The following PBX4 variants were observed in gnomAD, a reference collection of about 807,000 sequenced individuals.
The protein encoded by PBX4 is pre-B-cell leukemia transcription factor 4.
A neutral mutation model predicts 35.1 loss-of-function variants in PBX4; 26 were observed. The ratio of observed to expected loss-of-function variants is 0.74; its 90% confidence interval spans 0.54 to 1.03. The LOEUF (loss-of-function observed/expected upper bound fraction) is 1.03, where lower values mean the gene tolerates loss of function less well. Ranked by LOEUF, PBX4 falls within the 50% of genes least tolerant of loss-of-function variation. The pLI is 0.00. For synonymous variants in PBX4, 199 were observed against 204.2 expected, an observed-to-expected ratio of 0.97 and a Z score of 0.22; for missense variants, 448 against 504.3, an observed-to-expected ratio of 0.89 and a Z score of 1.07.
At chr19:19,590,579 G>T (rs1039596213) in intron 2 of PBX4, among the ~76,000 whole-genome samples, 4 of 150,862 alleles carry the variant, frequency 2.7e-5, no homozygotes, top group Middle Eastern at 3.2e-3. Flanking sequence ...AGTGATTCTC[G>T]CGCCTCAGCC....
At chr19:19,569,675 C>G in intron 4 of PBX4, 91 bp from the exon 5 acceptor site, 1 of 1,472,438 alleles carries the variant, frequency 6.8e-7, no homozygotes. Context: ...TCCAGTAGTT[C>G]TGAAAACAGC....
At chr19:19,579,642 T>C (rs1449588476) in intron 2 of PBX4, among the ~76,000 whole-genome samples, 1 of 152,180 alleles carries the variant, frequency 6.6e-6, no homozygotes, top group East Asian at 1.9e-4. Flanking sequence ...ACCCATGGAT[T>C]AAATCAGATG....
chr19:19,577,848 A>G (rs560180661), intron 2 of PBX4, among the ~76,000 whole-genome samples: 15 of 144,374 alleles, frequency 1.0e-4, no homozygotes, highest in African/African-American at 1.8e-4. Flanking sequence ...ACAAAGGGAG[A>G]CTCCATCTAA....
At chr19:19,605,698 G>A (rs1325404696) in intron 1 of PBX4, among the ~76,000 whole-genome samples, 2 of 151,786 alleles carry the variant, frequency 1.3e-5, no homozygotes, top group Non-Finnish European at 2.9e-5. Flanking sequence ...TCAAACTCTT[G>A]GGCTCAAGTA....
intron 1 of PBX4, among the ~76,000 whole-genome samples, chr19:19,600,749 A>G (rs1040046929): frequency 3.3e-5 from 5 of 150,036 alleles, no homozygotes; most frequent in African/African-American, 4.9e-5. Flanking sequence ...CCAGGGAGGC[A>G]GAGGTTGCAG....
intron 2 of PBX4, among the ~76,000 whole-genome samples, chr19:19,571,036 G>A (rs766878390): frequency 8.5e-5 from 13 of 152,222 alleles, no homozygotes; most frequent in African/African-American, 1.4e-4. Context: ...TCCTTAGAGC[G>A]CAGTCTGGGG....
At chr19:19,575,684 C>T (rs1273031516) in intron 2 of PBX4, among the ~76,000 whole-genome samples, 3 of 152,220 alleles carry the variant, frequency 2.0e-5, no homozygotes, top group African/African-American at 7.2e-5. Flanking sequence ...TTTTCAAACA[C>T]ATCATGCTGC....
At chr19:19,606,070 G>C (rs1007888779) in intron 1 of PBX4, among the ~76,000 whole-genome samples, 1 of 152,160 alleles carries the variant, frequency 6.6e-6, no homozygotes, top group African/African-American at 2.4e-5. Context: ...CCTTCCCCAA[G>C]GGGATGAAAT....
rs1218028899 is a variant in PBX4 at position 19,599,287 on chromosome 19, C to T, written c.193+5G>A. On this transcript the variant is annotated splice_donor_5th_base_variant and intron_variant, in intron 2 of 7. Transcript: ENST00000251203. ...CGGCCAGAAAGTGTCTTCTAAACAG[C>T]CTACCTGTCTTTTCCTTGATCTCAC... 1 of 1,610,900 alleles carries T rather than the reference C, an allele frequency of 6.2e-7. No individual in the cohort carries two copies. The highest frequency in any genetic ancestry group is 1.1e-5 in the South Asian group (1 of 90,968).
intron 2 of PBX4, among the ~76,000 whole-genome samples, chr19:19,577,720 G>A (rs774107043): frequency 3.3e-5 from 5 of 152,010 alleles, no homozygotes; most frequent in Non-Finnish European, 5.9e-5. Flanking sequence ...TTAGCCAAGC[G>A]TGGTGGCGCG....
Position 19,563,902 on chromosome 19 carries a change from G to C in PBX4, c.926-287C>G. On this transcript the variant is annotated intron_variant, in intron 6 of 7. Transcript: ENST00000251203. The surrounding 1 kb of genome is among the most constrained non-coding windows in gnomAD (Gnocchi z 5.1). ...GGCTCACTGCAAGCTCTGCCTCCCA[G>C]GTTCACACCATTCTCCTGCCTCAGC... 3.8e-6 allele frequency: 1 copy of C among 263,106 alleles called. No homozygotes were observed. Among genetic ancestry groups the C allele is most frequent in the Non-Finnish European group, 7.5e-6 (1 of 132,696 alleles). 16.3% of individuals were successfully genotyped at this position (263,106 alleles called of 1,614,324 possible).
rs371454452 is a variant in PBX4, at chr19:19,570,878, A to G, written c.194-45T>C. The stretch of plus-strand genomic sequence containing the variant: ...ACAAGTCACAATTCATTTTCTGGAG[A>G]GAAAACAAACCATGAGAAAATGTGA... On this transcript the variant is annotated intron_variant, in intron 2 of 7. Coordinates refer to ENST00000251203, the MANE Select transcript of PBX4 (RefSeq NM_025245.3). The G allele has an allele frequency of 1.7e-5, 27 of 1,599,116 alleles. No homozygotes were observed. In the East Asian group the frequency reaches 2.7e-4, roughly 16 times the overall value.
intron 5 of PBX4, among the ~76,000 whole-genome samples, chr19:19,569,222 C>A (rs1264949334): frequency 6.6e-6 from 1 of 152,168 alleles, no homozygotes; most frequent in Non-Finnish European, 1.5e-5. Flanking sequence ...CCAAGCCCAG[C>A]TAATTTTTTA....
chr19:19,594,472 A>C (rs2061549210), intron 2 of PBX4, among the ~76,000 whole-genome samples: 1 of 151,666 alleles, frequency 6.6e-6, no homozygotes, highest in African/African-American at 2.4e-5. Flanking sequence ...GGGCGACACC[A>C]GCGGTTGAAA....
At chr19:19,570,004 A>C in intron 4 of PBX4, 105 bp downstream of exon 4, 1 of 1,208,992 alleles carries the variant, frequency 8.3e-7, no homozygotes, top group Non-Finnish European at 1.1e-6. Flanking sequence ...TCCAACCGTG[A>C]CTGCAGACAC....
Position 19,570,093 on chromosome 19 carries a change from A to G in PBX4, c.632+16T>C. The G allele has an allele frequency of 1.3e-6, 2 of 1,568,440 alleles. No homozygotes were observed. Among genetic ancestry groups the G allele is most frequent in the Non-Finnish European group, 8.7e-7 (1 of 1,154,124 alleles). ...AGAGCCGGCCCTTGAGGTTTTGGGTACGTACAGGCCCTGACCTGGCATCGA... is the reference window on the plus strand; with the variant it reads ...AGAGCCGGCCCTTGAGGTTTTGGGTGCGTACAGGCCCTGACCTGGCATCGA... On this transcript the variant is annotated intron_variant, in intron 4 of 7. Coordinates refer to ENST00000251203, the MANE Select transcript of PBX4 (RefSeq NM_025245.3).
chr19:19,569,292 T>C (rs1184667493), intron 5 of PBX4, among the ~76,000 whole-genome samples, 157 bp downstream of exon 5: 1 of 152,114 alleles, frequency 6.6e-6, no homozygotes, highest in African/African-American at 2.4e-5. Flanking sequence ...ACTCCTGGCC[T>C]CAAGCGACCC....
At chr19:19,567,356 T>A (rs191366442) in intron 5 of PBX4, among the ~76,000 whole-genome samples, 277 of 152,326 alleles carry the variant, frequency 1.8e-3, no homozygotes, top group African/African-American at 6.4e-3. Flanking sequence ...GCTGCCTGCG[T>A]GACCCCGAGG....
chr19:19,575,448 C>T (rs531615597), intron 2 of PBX4, among the ~76,000 whole-genome samples: 2 of 152,164 alleles, frequency 1.3e-5, no homozygotes, highest in African/African-American at 4.8e-5. Flanking sequence ...GCCTATTCCT[C>T]GTAATAACCC....
Sources: gnomAD v4.1 joint callset for allele counts (sites outside exome capture counted in the v4.1 genomes callset) on GRCh38, gnomAD v4.1.1 for gene constraint, Gnocchi (gnomAD v3.1) non-coding constraint, MANE v1.5 for transcripts, NCBI Gene and HGNC (gene_info 2026-07-23, HGNC 2026-07-21) for gene names.